The following SLCO5A1 variants were observed in gnomAD, a reference collection of about 807,000 sequenced individuals.
SLCO5A1 encodes solute carrier organic anion transporter family member 5A1.
Under a neutral mutation model 65.1 loss-of-function variants are expected in SLCO5A1, and 39 were observed. That is an observed-to-expected ratio of 0.60 (90% CI 0.46 to 0.78). The LOEUF is 0.78. Among genes scored for constraint, SLCO5A1 ranks in the 30% least tolerant of loss-of-function variants. The pLI, the probability that SLCO5A1 is intolerant of heterozygous loss-of-function variation, is 0.00. For synonymous variants in SLCO5A1, 438 were observed against 415.7 expected (o/e 1.05, Z -0.65); for missense variants, 1,029 against 1,069.4 (o/e 0.96, Z 0.53).
chr8:69,832,062 G>A lies in SLCO5A1; in HGVS notation c.612C>T (p.Leu204=), dbSNP rs751853355. 1.6e-5 allele frequency: 26 copies of A among 1,613,284 alleles called. No individual in the cohort carries two copies. Among genetic ancestry groups the A allele is most frequent in the Non-Finnish European group, 2.2e-5 (26 of 1,179,886 alleles). ...CGAAGAGGGCTGCCCCGAAGGCGAT[G>A]AGGAGTCCACCCACGGCCAGCCACA... ...RPLWLAVGGL[L]IAFGAALFAL... Residue 204 remains leucine (L), a synonymous_variant, in exon 2 of 10, where the codon CTC becomes CTT. Transcript: ENST00000260126. This position sits in a 1 kb window ranked among gnomAD's most constrained non-coding sequence, Gnocchi z 4.5.
At chr8:69,743,367 GTTTTAGATAGGGTCTCCC>G (rs1021869540) in intron 4 of SLCO5A1, among the ~76,000 whole-genome samples, 3 of 152,088 alleles carry the variant, frequency 2.0e-5, no homozygotes, top group Non-Finnish European at 4.4e-5. Flanking sequence ...TTGTTTGTTT[GTTTTAGATAGGGTCTCCC>G]TCTTTTGCCC....
At chr8:69,762,009 G>A (rs1482469623) in intron 2 of SLCO5A1, 134 bp from the exon 3 acceptor site, 7 of 1,060,498 alleles carry the variant, frequency 6.6e-6, no homozygotes, top group Admixed American at 2.7e-5. Context: ...GACCTTTGGA[G>A]ATTTGTGTCC....
chr8:69,749,752 AC>A (rs147742972), intron 4 of SLCO5A1, among the ~76,000 whole-genome samples: 40,553 of 150,742 alleles, frequency 0.27, 6,676 homozygotes, highest in Middle Eastern at 0.41. Context: ...AAAAAAAAAA[AC>A]ATTCCTGTCT....
chr8:69,832,852 G>C lies in SLCO5A1; in HGVS notation c.-179C>G. 2 of 684,978 alleles carry C rather than the reference G, an allele frequency of 2.9e-6. No homozygotes were observed. The highest frequency in any genetic ancestry group is 2.8e-5 in the East Asian group (1 of 35,534). 42.4% of individuals were successfully genotyped at this position (684,978 alleles called of 1,614,324 possible). A position where few individuals can be genotyped will look rare whatever the true frequency, so the allele number is the denominator to read the frequency against. Reference sequence around the variant, plus strand: ...AGCTGCGAGGCGCCCAGTGCATCCTGATCACAGACACGGCTTCAAGGCTCC... The same window carrying C: ...AGCTGCGAGGCGCCCAGTGCATCCTCATCACAGACACGGCTTCAAGGCTCC... On this transcript the variant is annotated 5_prime_UTR_variant, in exon 2 of 10. It adds an upstream start codon to the 5' untranslated region. Transcript: ENST00000260126. This position sits in a 1 kb window ranked among gnomAD's most constrained non-coding sequence, Gnocchi z 4.5.
At position 69,755,456 on chromosome 8, in the gene SLCO5A1, A is replaced by C; in HGVS notation, c.1226T>G (p.Val409Gly). The C allele has an allele frequency of 1.2e-6, 2 of 1,613,998 alleles. No individual in the cohort carries two copies. The highest frequency in any genetic ancestry group is 1.7e-6 in the Non-Finnish European group (2 of 1,179,992). ...SNNSEQADKK[V>G]SSMGFGKDVR... Reference sequence around the variant, plus strand: ...ATCCTTTCCAAATCCCATCGAAGAAACTTTTTTGTCCGCTTGTTCACTGTT... The same window carrying C: ...ATCCTTTCCAAATCCCATCGAAGAACCTTTTTTGTCCGCTTGTTCACTGTT... Residue 409 changes from valine (V) to glycine (G), a missense_variant, in exon 4 of 10, where the codon GTT (valine) becomes GGT (glycine). Coordinates refer to ENST00000260126, the MANE Select transcript of SLCO5A1 (RefSeq NM_030958.3).
intron 2 of SLCO5A1, among the ~76,000 whole-genome samples, chr8:69,816,331 G>A (rs1008256582): frequency 2.0e-5 from 3 of 152,142 alleles, no homozygotes; most frequent in Non-Finnish European, 2.9e-5. Flanking sequence ...AATCATCCCT[G>A]ATTGAAAACC....
At chr8:69,790,450 T>G (rs1240055591) in intron 2 of SLCO5A1, among the ~76,000 whole-genome samples, 1 of 151,998 alleles carries the variant, frequency 6.6e-6, no homozygotes, top group African/African-American at 2.4e-5. Flanking sequence ...CCTAAACACT[T>G]AATATCCCTA....
In SLCO5A1 at chr8:69,670,305, C is replaced by T. The variant is rs1429900509; in HGVS notation, c.*2564G>A. On this transcript the variant is annotated 3_prime_UTR_variant, in exon 10 of 10. Transcript: ENST00000260126. ...TCAATTTATTAAGAAACATATAAGA[C>T]CCTATATATACAATTAAATGGTATC... 3 of 152,070 alleles carry T rather than the reference C, an allele frequency of 2.0e-5. No homozygotes were observed. Among genetic ancestry groups the T allele is most frequent in the Admixed American group, 2.0e-4 (3 of 15,256 alleles). 9.4% of individuals were successfully genotyped at this position (152,070 alleles called of 1,614,324 possible).
intron 5 of SLCO5A1, among the ~76,000 whole-genome samples, chr8:69,719,174 G>C (rs1245549643): frequency 6.6e-6 from 1 of 152,130 alleles, no homozygotes; most frequent in Non-Finnish European, 1.5e-5. Flanking sequence ...GCTTAAGCCA[G>C]AAAAAAATAA....
chr8:69,814,132 G>A (rs1194879874), intron 2 of SLCO5A1, among the ~76,000 whole-genome samples: 2 of 152,056 alleles, frequency 1.3e-5, no homozygotes, highest in Non-Finnish European at 2.9e-5. Context: ...TTGATCTTAG[G>A]AATAATGTTT....
At chr8:69,685,571 C>A (rs899146675) in intron 6 of SLCO5A1, among the ~76,000 whole-genome samples, 7 of 152,178 alleles carry the variant, frequency 4.6e-5, no homozygotes, top group African/African-American at 1.4e-4. Context: ...GGCACGGGGC[C>A]TCGATAGCAA....
chr8:69,800,431 C>T (rs1373076567), intron 2 of SLCO5A1, among the ~76,000 whole-genome samples: 1 of 151,910 alleles, frequency 6.6e-6, no homozygotes, highest in East Asian at 1.9e-4. Flanking sequence ...CCAGTTTGAA[C>T]AGATAACAAT....
intron 4 of SLCO5A1, among the ~76,000 whole-genome samples, chr8:69,753,227 C>T (rs567781616): frequency 1.6e-4 from 25 of 152,018 alleles, no homozygotes; most frequent in Non-Finnish European, 2.9e-4. Flanking sequence ...GGAGAGCCCA[C>T]GAAAGACACA....
chr8:69,797,638 G>T (rs377752850), intron 2 of SLCO5A1, among the ~76,000 whole-genome samples: 1 of 152,174 alleles, frequency 6.6e-6, no homozygotes, highest in Non-Finnish European at 1.5e-5. Context: ...GGGGGTGGCC[G>T]TCTTTTATGG....
At chr8:69,726,452 C>T (rs1196627451) in intron 5 of SLCO5A1, among the ~76,000 whole-genome samples, 3 of 150,614 alleles carry the variant, frequency 2.0e-5, no homozygotes, top group Admixed American at 6.6e-5. Flanking sequence ...CAGCCTTTCA[C>T]TTCAGTATCA....
At chr8:69,684,106 A>G (rs748058735) in intron 6 of SLCO5A1, among the ~76,000 whole-genome samples, 2 of 151,134 alleles carry the variant, frequency 1.3e-5, no homozygotes, top group Non-Finnish European at 2.9e-5. Context: ...CGCTCCATAG[A>G]AAAAAAGTAT....
chr8:69,806,554 G>A (rs1199604457), intron 2 of SLCO5A1, among the ~76,000 whole-genome samples: 1 of 152,170 alleles, frequency 6.6e-6, no homozygotes, highest in African/African-American at 2.4e-5. Flanking sequence ...AAATTAACAA[G>A]ATGAACCAGA....
At chr8:69,784,887 GAAGA>G (rs1206297182) in intron 2 of SLCO5A1, among the ~76,000 whole-genome samples, 1 of 76,536 alleles carries the variant, frequency 1.3e-5, no homozygotes, top group Non-Finnish European at 2.6e-5. Context: ...AAGAAAGAAA[GAAGA>G]AAGGAAGAAA....
chr8:69,820,800 A>G (rs995135305), intron 2 of SLCO5A1, among the ~76,000 whole-genome samples: 2 of 152,234 alleles, frequency 1.3e-5, no homozygotes, highest in Non-Finnish European at 2.9e-5. Context: ...ATATGTGTAC[A>G]TAGACATATA....
Sources: allele counts gnomAD v4.1 joint callset (sites outside exome capture counted in the v4.1 genomes callset), GRCh38; gene constraint gnomAD v4.1.1; non-coding constraint Gnocchi (gnomAD v3.1); transcripts MANE v1.5; gene names NCBI Gene and HGNC (gene_info 2026-07-23, HGNC 2026-07-21).